LIPK: variants seen among roughly 807,000 people sequenced by gnomAD.
LIPK encodes lipase family member K, also known as lipase member K.
Under a neutral mutation model 48.6 loss-of-function variants are expected in LIPK, and 32 were observed. The ratio of observed to expected loss-of-function variants is 0.66; its 90% CI spans 0.50 to 0.88. LIPK has a LOEUF of 0.88. LIPK is among the 40% of genes least tolerant of loss of function. The pLI is 0.00. For synonymous variants in LIPK, 164 were observed against 157.4 expected (o/e 1.04, Z -0.32); for missense variants, 507 against 478.5 (o/e 1.06, Z -0.56).
chr10:88,728,139 G>A (rs377257), intron 3 of LIPK: 177,916 of 234,958 alleles, frequency 0.76, 68,473 homozygotes, highest in East Asian at 1. Flanking sequence ...CATGAACAAC[G>A]TAGAATAAGT....
At chr10:88,724,097 A>G (rs770890926) in intron 1 of LIPK, among the ~76,000 whole-genome samples, 1 of 152,226 alleles carries the variant, frequency 6.6e-6, no homozygotes, top group Non-Finnish European at 1.5e-5. Flanking sequence ...AATTTACAAG[A>G]CATGTTAACA....
intron 1 of LIPK, among the ~76,000 whole-genome samples, chr10:88,712,220 T>C (rs1187133217): frequency 6.6e-6 from 1 of 152,222 alleles, no homozygotes; most frequent in Non-Finnish European, 1.5e-5. Context: ...ATTTTGATTT[T>C]TGTTAGCATA....
chr10:88,728,014 G>A (rs1842379915), intron 3 of LIPK: 3 of 371,442 alleles, frequency 8.1e-6, no homozygotes, highest in Admixed American at 2.7e-5. Flanking sequence ...GGTGGAGCTT[G>A]ACAACATGCA....
chr10:88,742,202 T>A (rs561781741), intron 8 of LIPK, among the ~76,000 whole-genome samples: 1 of 152,268 alleles, frequency 6.6e-6, no homozygotes, highest in East Asian at 1.9e-4. Flanking sequence ...ACCTGACAAG[T>A]GTGGTTACAA....
At chr10:88,707,179 G>A (rs1841951534) in intron 1 of LIPK, among the ~76,000 whole-genome samples, 1 of 151,970 alleles carries the variant, frequency 6.6e-6, no homozygotes, top group South Asian at 2.1e-4. Flanking sequence ...CTTTCTTTGT[G>A]TCTGAAAACA....
At chr10:88,743,575 T>C (rs999542295) in intron 9 of LIPK, among the ~76,000 whole-genome samples, 7 of 142,896 alleles carry the variant, frequency 4.9e-5, no homozygotes, top group African/African-American at 1.8e-4. Flanking sequence ...ACCAGAGTTA[T>C]TCGCTAGTAA....
rs144246701 is a variant in LIPK, at chr10:88,734,168, AAT to A, written c.669+1618_669+1619del. On this transcript the variant is annotated intron_variant, in intron 6 of 9. Coordinates refer to ENST00000404190, the MANE Select transcript of LIPK (RefSeq NM_001080518.2). ...TTCCTAGTAGAAATTCCAGTATTAT[AAT>A]GACAGAGTAAAAACATTGCTAGGCA... 1.3e-3 allele frequency among the ~76,000 whole-genome samples: 204 copies of A among 152,352 alleles called. 1 individual carries two copies. Among genetic ancestry groups the A allele is most frequent in the Non-Finnish European group, 2.4e-3 (163 of 68,030 alleles).
At chr10:88,732,128 G>A (rs750508660) in intron 4 of LIPK, 50 bp from the exon 5 acceptor site, 1 of 1,235,230 alleles carries the variant, frequency 8.1e-7, no homozygotes, top group Non-Finnish European at 1.2e-6. Context: ...AATGTTCTAG[G>A]CCTAACAATG....
At chr10:88,710,257 C>T (rs1444252072) in intron 1 of LIPK, among the ~76,000 whole-genome samples, 3 of 152,036 alleles carry the variant, frequency 2.0e-5, no homozygotes, top group Non-Finnish European at 2.9e-5. Context: ...GAGAATTTAT[C>T]TTTTTAGCAT....
chr10:88,720,099 G>A (rs181076599), intron 1 of LIPK, among the ~76,000 whole-genome samples: 1,815 of 152,244 alleles, frequency 0.012, 22 homozygotes, highest in South Asian at 0.018. Flanking sequence ...TGGAGAAAGG[G>A]AGATTTTGAG....
At chr10:88,726,497 C>T (rs531585148) in intron 2 of LIPK, among the ~76,000 whole-genome samples, 42 of 152,272 alleles carry the variant, frequency 2.8e-4, no homozygotes, top group African/African-American at 9.1e-4. Flanking sequence ...TTAAGACCAG[C>T]CTGGGCAACA....
intron 5 of LIPK, 49 bp from the exon 6 acceptor site, chr10:88,732,366 A>G: frequency 1.3e-6 from 2 of 1,596,758 alleles, no homozygotes; most frequent in Non-Finnish European, 1.7e-6. Flanking sequence ...ACTTAAAATG[A>G]ACAAATAATT....
chr10:88,738,359 G>T (rs1473118607), intron 7 of LIPK, among the ~76,000 whole-genome samples: 3 of 152,198 alleles, frequency 2.0e-5, no homozygotes, highest in Non-Finnish European at 4.4e-5. Context: ...GAGGGAAAGA[G>T]AGGAGTTGTG....
chr10:88,716,309 G>A (rs1016375251), intron 1 of LIPK, among the ~76,000 whole-genome samples: 4 of 151,110 alleles, frequency 2.6e-5, no homozygotes, highest in African/African-American at 7.3e-5. Flanking sequence ...TATTTATTAA[G>A]AGATTGGCAA....
At chr10:88,731,792 G>A (rs1360798695) in intron 4 of LIPK, among the ~76,000 whole-genome samples, 1 of 152,202 alleles carries the variant, frequency 6.6e-6, no homozygotes, top group Non-Finnish European at 1.5e-5. Context: ...CTCTTCCCAG[G>A]AAATTCTGAT....
chr10:88,734,657 G>A (rs1383037658), intron 6 of LIPK, among the ~76,000 whole-genome samples: 1 of 152,150 alleles, frequency 6.6e-6, no homozygotes, highest in African/African-American at 2.4e-5. Flanking sequence ...TCATTATGGA[G>A]TTATTGTTAA....
Position 88,708,739 on chromosome 10 carries a change from TTTTA to T in LIPK, c.-12+2423_-12+2426del, listed in dbSNP as rs1841978313. 2.6e-5 allele frequency among the ~76,000 whole-genome samples: 4 copies of T among 152,200 alleles called. No individual in the cohort carries two copies. The South Asian group carries it at 8.3e-4, about 31-fold the overall frequency. On this transcript the variant is annotated intron_variant, in intron 1 of 9. Coordinates refer to ENST00000404190, the MANE Select transcript of LIPK (RefSeq NM_001080518.2). ...CTTAATGAATTTAAAGTTTTACATC[TTTTA>T]TTTTTCTCTTTCTATTCATATTCTC...
At chr10:88,741,412 G>A (rs1743591481) in intron 8 of LIPK, among the ~76,000 whole-genome samples, 1 of 152,114 alleles carries the variant, frequency 6.6e-6, no homozygotes, top group African/African-American at 2.4e-5. Context: ...TTTTTACAAA[G>A]ATGAGGTCTT....
intron 6 of LIPK, 78 bp from the exon 7 acceptor site, chr10:88,737,557 C>T: frequency 6.8e-7 from 1 of 1,467,608 alleles, no homozygotes; most frequent in South Asian, 1.2e-5. Flanking sequence ...ACTGTGCAGT[C>T]CTTCTTTGAA....
Sources: gnomAD v4.1 joint callset for allele counts (sites outside exome capture counted in the v4.1 genomes callset) on GRCh38, gnomAD v4.1.1 for gene constraint, MANE v1.5 for transcripts, NCBI Gene and HGNC (gene_info 2026-07-23, HGNC 2026-07-21) for gene names.